The following CPSF3 variants were observed in gnomAD, a reference collection of about 807,000 sequenced individuals.
CPSF3 encodes cleavage and polyadenylation specificity factor subunit 3.
CPSF3 carries 57 observed loss-of-function variants against 84.1 expected under a neutral mutation model. The observed-to-expected ratio is 0.68, with a 90% CI of 0.55 to 0.85. The LOEUF is 0.85. Ranked by LOEUF, CPSF3 falls within the 40% of genes least tolerant of loss-of-function variation. CPSF3 has a pLI of 0.00. For synonymous variants in CPSF3, 275 were observed against 278.1 expected (o/e 0.99, Z 0.11); for missense variants, 522 against 838.8 (o/e 0.62, Z 4.66).
chr2:9,429,843 A>T (rs7589401), intron 2 of CPSF3, 80 bp from the exon 3 acceptor site: 508,875 of 913,008 alleles, frequency 0.56, 150,969 homozygotes, highest in African/African-American at 0.76. Context: ...GGGTGATGGA[A>T]CTAGAATTAT....
At position 9,473,056 on chromosome 2, in the gene CPSF3, T is replaced by C; in HGVS notation, c.*39T>C. 2 of 1,420,416 alleles carry C rather than the reference T, an allele frequency of 1.4e-6. No homozygotes were observed. The highest frequency in any genetic ancestry group is 2.0e-6 in the Non-Finnish European group (2 of 1,013,516). The allele number at this position is 1,420,416 out of a possible 1,614,324, so 88.0% of individuals were successfully genotyped here. A position where few individuals can be genotyped will look rare whatever the true frequency, so the allele number is the denominator to read the frequency against. ...TATGAACTTTGAAAAAATACTTGAC[T>C]CTACTTTTGTTACCTAAAATAAAAT... On this transcript the variant is annotated 3_prime_UTR_variant, in exon 18 of 18. Coordinates refer to ENST00000238112, the MANE Select transcript of CPSF3 (RefSeq NM_016207.4).
In CPSF3 at chr2:9,423,836, C is replaced by T. The variant is rs755519681; in HGVS notation, c.50+13C>T. 1.1e-5 allele frequency: 18 copies of T among 1,611,662 alleles called. No homozygotes were observed. The African/African-American group carries it at 2.0e-4, about 18-fold the overall frequency. Reference sequence around the variant, plus strand: ...TGATCCGACCCCTGTAAGGGACCAGCGAGAGAGGGAATGAAGCCACGGGCT... The same window carrying T: ...TGATCCGACCCCTGTAAGGGACCAGTGAGAGAGGGAATGAAGCCACGGGCT... On this transcript the variant is annotated intron_variant, in intron 1 of 17. Transcript: ENST00000238112.
intron 15 of CPSF3, among the ~76,000 whole-genome samples, chr2:9,466,763 A>G (rs1681995868): frequency 6.6e-6 from 1 of 152,212 alleles, no homozygotes; most frequent in Admixed American, 6.5e-5. Context: ...ATCATACAAT[A>G]TATAGCCTTT....
At chr2:9,443,773 C>G (rs1681034294) in intron 10 of CPSF3, 112 bp downstream of exon 10, 4 of 1,149,034 alleles carry the variant, frequency 3.5e-6, no homozygotes, top group Middle Eastern at 2.0e-4. Context: ...ATGCGACACC[C>G]CCTGAGCAGA....
chr2:9,445,828 A>G (rs943234620), intron 10 of CPSF3, among the ~76,000 whole-genome samples: 1 of 152,258 alleles, frequency 6.6e-6, no homozygotes, highest in Non-Finnish European at 1.5e-5. Context: ...CAGCTCCAGC[A>G]AAAGTATAGC....
At chr2:9,461,433 T>C (rs183859112) in intron 15 of CPSF3, among the ~76,000 whole-genome samples, 1 of 152,158 alleles carries the variant, frequency 6.6e-6, no homozygotes, top group East Asian at 1.9e-4. Flanking sequence ...GAGACTGAGG[T>C]GGGTGGATCC....
intron 2 of CPSF3, among the ~76,000 whole-genome samples, chr2:9,429,646 A>T (rs2148934342): frequency 6.6e-6 from 1 of 152,338 alleles, no homozygotes; most frequent in East Asian, 1.9e-4. Flanking sequence ...AAAAGATTTA[A>T]TTCGTTGTTA....
chr2:9,452,744 T>A (rs1004769082), intron 11 of CPSF3, among the ~76,000 whole-genome samples, 169 bp from the exon 12 acceptor site: 1 of 152,252 alleles, frequency 6.6e-6, no homozygotes, highest in Non-Finnish European at 1.5e-5. Flanking sequence ...GCAATGCAAC[T>A]GCCCTCATCA....
intron 1 of CPSF3, among the ~76,000 whole-genome samples, chr2:9,425,744 C>G (rs1255130203): frequency 1.3e-5 from 2 of 149,766 alleles, no homozygotes; most frequent in African/African-American, 5.0e-5. Context: ...TATTGAGATA[C>G]AGTTTACATA....
intron 15 of CPSF3, among the ~76,000 whole-genome samples, chr2:9,466,277 CACACGTGCGCACACAGACGCAT>C (rs1681933716): frequency 6.9e-6 from 1 of 145,680 alleles, no homozygotes; most frequent in African/African-American, 2.5e-5. Context: ...GACGCACGCA[CACACGTGCGCACACAGACGCAT>C]GCACACGCAC....
At chr2:9,467,373 TA>T (rs1682012810) in intron 15 of CPSF3, among the ~76,000 whole-genome samples, 1 of 152,176 alleles carries the variant, frequency 6.6e-6, no homozygotes, top group Non-Finnish European at 1.5e-5. Flanking sequence ...CCCGTGGTCA[TA>T]AATGTAAAGT....
chr2:9,448,624 T>C (rs1199026002), intron 11 of CPSF3, among the ~76,000 whole-genome samples: 1 of 152,202 alleles, frequency 6.6e-6, no homozygotes, highest in East Asian at 1.9e-4. Flanking sequence ...TGGTGCGATC[T>C]CGGCTCACTG....
chr2:9,445,772 G>GT (rs1458742009), intron 10 of CPSF3, among the ~76,000 whole-genome samples: 3 of 152,232 alleles, frequency 2.0e-5, no homozygotes, highest in African/African-American at 4.8e-5. Context: ...TCTGCTGACA[G>GT]TTTAAGTTCC....
chr2:9,424,157 G>C (rs1211292530), intron 1 of CPSF3: 2 of 1,062,428 alleles, frequency 1.9e-6, no homozygotes, highest in Admixed American at 5.3e-5. Flanking sequence ...CTGCGCGTCA[G>C]GGCAAGCTGT....
intron 15 of CPSF3, among the ~76,000 whole-genome samples, chr2:9,463,537 T>C (rs1681803614): frequency 6.6e-6 from 1 of 152,238 alleles, no homozygotes. Flanking sequence ...ATGTGATATG[T>C]CAGCATGGAC....
At position 9,448,358 on chromosome 2, in the gene CPSF3, G is replaced by A. The variant is rs758042787; in HGVS notation, c.1395+8G>A. 8.7e-6 allele frequency: 14 copies of A among 1,607,222 alleles called. No individual in the cohort carries two copies. The South Asian group carries it at 1.3e-4, about 15-fold the overall frequency. Reference sequence around the variant, plus strand: ...GGAGAAAAACTAGCCAAGGTAAAAGGTTATGGTTCCTGTCTGTCCAATCCA... The same window carrying A: ...GGAGAAAAACTAGCCAAGGTAAAAGATTATGGTTCCTGTCTGTCCAATCCA... On this transcript the variant is annotated splice_region_variant and intron_variant, in intron 11 of 17. Transcript: ENST00000238112.
chr2:9,433,899 A>T lies in CPSF3; in HGVS notation c.548A>T (p.Gln183Leu), dbSNP rs1192971603. 2 of 1,611,552 alleles carry T rather than the reference A, an allele frequency of 1.2e-6. No homozygotes were observed. The highest frequency in any genetic ancestry group is 2.2e-5 in the South Asian group (2 of 90,790). The change falls in exon 6 of 18, where the codon CAA becomes CTA. Residue 183 changes from glutamine (Q) to leucine (L), a missense_variant. Gln to Leu is a moderately radical substitution (Grantham distance 113). This residue lies in a region of CPSF3 where 329 missense variants were observed against 607.2 expected (regional missense o/e 0.54). Coordinates refer to ENST00000238112, the MANE Select transcript of CPSF3 (RefSeq NM_016207.4). ...TTGTACACTGGTGATTTCTCAAGAC[A>T]AGAAGATAGGCACTTAATGGCAGCT... ...KLLYTGDFSRQEDRHLMAAEI... is the reference protein window; with the variant it reads ...KLLYTGDFSRLEDRHLMAAEI...
At chr2:9,466,422 G>T (rs552335412) in intron 15 of CPSF3, among the ~76,000 whole-genome samples, 1 of 140,274 alleles carries the variant, frequency 7.1e-6, no homozygotes, top group Admixed American at 7.3e-5. Flanking sequence ...ACACGCACAC[G>T]CGCACACACG....
At chr2:9,455,913 A>C (rs1681510087) in intron 13 of CPSF3, among the ~76,000 whole-genome samples, 156 bp downstream of exon 13, 1 of 152,124 alleles carries the variant, frequency 6.6e-6, no homozygotes, top group Admixed American at 6.6e-5. Flanking sequence ...CTTTATGTGA[A>C]ATTTTAGAAT....
Sources: gnomAD v4.1 joint callset for allele counts (sites outside exome capture counted in the v4.1 genomes callset) on GRCh38, gnomAD v4.1.1 for gene constraint, gnomAD v4.1.1 regional missense constraint, MANE v1.5 for transcripts, NCBI Gene and HGNC (gene_info 2026-07-23, HGNC 2026-07-21) for gene names.